IARS1: variants seen among roughly 807,000 people sequenced by gnomAD.
IARS1 encodes the protein isoleucine--tRNA ligase, cytoplasmic.
IARS1 carries 124 observed loss-of-function variants against 168.2 expected under a neutral mutation model. That is an observed-to-expected ratio of 0.74 (90% CI 0.64 to 0.86). IARS1 has a LOEUF of 0.86. Among genes scored for constraint, IARS1 ranks in the 40% least tolerant of loss-of-function variants. IARS1 has a pLI of 0.00. For synonymous variants in IARS1, 532 were observed against 529.4 expected, an observed-to-expected ratio of 1.00 and a Z score of -0.07; for missense variants, 1,452 against 1,515.8, an observed-to-expected ratio of 0.96 and a Z score of 0.70.
rs201992087 is a variant in IARS1, at chr9:92,278,242, A to G, written c.790T>C (p.Ser264Pro). The change falls in exon 8 of 34, where the codon TCA (serine) becomes CCA (proline). Residue 264 changes from serine to proline, a missense_variant. Transcript: ENST00000443024. ...TCACTCTCCAATTTATAGAGGGCTGACAATCTGGCTTCCATTAAAATGAGT... is the reference window on the plus strand; with the variant it reads ...TCACTCTCCAATTTATAGAGGGCTGGCAATCTGGCTTCCATTAAAATGAGT... ...RLLILMEARL[S>P]ALYKLESDYE... 267 of 1,612,718 alleles carry G rather than the reference A, an allele frequency of 1.7e-4. 2 individuals are homozygous for G. In the Middle Eastern group the frequency reaches 3.5e-3, roughly 21 times the overall value.
At chr9:92,229,586 CT>C (rs1235801916) in intron 30 of IARS1, among the ~76,000 whole-genome samples, 2 of 152,118 alleles carry the variant, frequency 1.3e-5, no homozygotes, top group African/African-American at 2.4e-5. Flanking sequence ...TATCTGACCC[CT>C]GATGTTGATT....
At chr9:92,231,607 T>C (rs548775137) in intron 30 of IARS1, among the ~76,000 whole-genome samples, 4 of 147,086 alleles carry the variant, frequency 2.7e-5, no homozygotes, top group Admixed American at 6.8e-5. Flanking sequence ...TTTTTTTTTT[T>C]AGTAGAGATG....
In IARS1 at chr9:92,223,422, A is replaced by C. The variant is rs765918358; in HGVS notation, c.3477T>G (p.Ala1159=). The C allele has an allele frequency of 3.1e-6, 5 of 1,613,996 alleles. No homozygotes were observed. The highest frequency in any genetic ancestry group is 4.2e-6 in the Non-Finnish European group (5 of 1,179,856). ...GKTLCVTAGS[A]PSLINSSSTL... ...TACTAGAACTGTTGATCAGAGAGGG[A>C]GCCGATCCTGCAGTCACACAAAGTG... Residue 1159 remains alanine (A), a synonymous_variant, in exon 32 of 34, where the codon GCT becomes GCG. Coordinates refer to ENST00000443024, the MANE Select transcript of IARS1 (RefSeq NM_002161.6).
chr9:92,293,650 C>A lies in IARS1; in HGVS notation c.-47G>T. 1 of 296,902 alleles carries A rather than the reference C, an allele frequency of 3.4e-6. No individual in the cohort carries two copies. Among genetic ancestry groups the A allele is most frequent in the Non-Finnish European group, 7.3e-6 (1 of 137,254 alleles). The allele number at this position is 296,902 out of a possible 1,614,324, so 18.4% of individuals were successfully genotyped here. Reference sequence around the variant, plus strand: ...GTGCCTGGACAGCCCCGCGGGCCAGCAAGCCTAAAAGCAACTCATCCGGCG... The same window carrying A: ...GTGCCTGGACAGCCCCGCGGGCCAGAAAGCCTAAAAGCAACTCATCCGGCG... On this transcript the variant is annotated 5_prime_UTR_variant, in exon 1 of 34. Transcript: ENST00000443024.
intron 30 of IARS1, among the ~76,000 whole-genome samples, chr9:92,236,435 C>T (rs1189373654): frequency 2.6e-5 from 4 of 152,168 alleles, no homozygotes; most frequent in African/African-American, 9.7e-5. Flanking sequence ...TGAAACTGGG[C>T]CTGGAGATTA....
intron 21 of IARS1, chr9:92,252,286 TA>T (rs998273477): frequency 5.6e-5 from 25 of 450,270 alleles, no homozygotes; most frequent in Admixed American, 7.8e-5. Flanking sequence ...TAATGTGTAT[TA>T]AAAAAAATAC....
At chr9:92,285,866 A>G in intron 5 of IARS1, 27 bp from the exon 6 acceptor site, 1 of 1,267,000 alleles carries the variant, frequency 7.9e-7, no homozygotes, top group Non-Finnish European at 1.1e-6. Context: ...TTTCACAATT[A>G]CAGAACAAAA....
At chr9:92,261,853 C>A (rs1228263952) in intron 17 of IARS1, among the ~76,000 whole-genome samples, 1 of 151,892 alleles carries the variant, frequency 6.6e-6, no homozygotes, top group Non-Finnish European at 1.5e-5. Flanking sequence ...CAGGTTCAAG[C>A]GATTCTTGTG....
intron 13 of IARS1, among the ~76,000 whole-genome samples, chr9:92,268,886 C>T (rs1338914314): frequency 6.6e-6 from 1 of 152,118 alleles, no homozygotes; most frequent in African/African-American, 2.4e-5. Flanking sequence ...TCTTGCATCC[C>T]TCCCACTCCC....
chr9:92,255,926 G>A (rs1191627225), intron 20 of IARS1, among the ~76,000 whole-genome samples: 1 of 151,946 alleles, frequency 6.6e-6, no homozygotes, highest in Non-Finnish European at 1.5e-5. Context: ...TGAGGTGATG[G>A]ATATCCCATT....
chr9:92,285,611 C>G, intron 6 of IARS1, 111 bp downstream of exon 6: 2 of 663,466 alleles, frequency 3.0e-6, no homozygotes, highest in Admixed American at 4.3e-5. Flanking sequence ...TGGTGGATGT[C>G]GTGGGCAACA....
Position 92,210,587 on chromosome 9 carries a change from C to T in IARS1, c.*220G>A. On this transcript the variant is annotated 3_prime_UTR_variant, in exon 34 of 34. Transcript: ENST00000443024. ...AAGTAACATTGTAACCTGCTCCCAA[C>T]ATGACTGCATAGGTGTCTAAGGTTA... 6.7e-6 allele frequency: 3 copies of T among 450,858 alleles called. No individual in the cohort carries two copies. The highest frequency in any genetic ancestry group is 6.8e-5 in the East Asian group (2 of 29,204). The allele number at this position is 450,858 out of a possible 1,614,324, so 27.9% of individuals were successfully genotyped here. A position where few individuals can be genotyped will look rare whatever the true frequency, so the allele number is the denominator to read the frequency against.
intron 31 of IARS1, 139 bp from the exon 32 acceptor site, chr9:92,223,628 C>T: frequency 1.5e-6 from 1 of 686,236 alleles, no homozygotes; most frequent in Non-Finnish European, 2.4e-6. Flanking sequence ...AGAGACATTG[C>T]CTTTTCTATA....
intron 10 of IARS1, among the ~76,000 whole-genome samples, chr9:92,273,558 T>G (rs1442863882): frequency 2.6e-5 from 4 of 152,202 alleles, no homozygotes; most frequent in Non-Finnish European, 4.4e-5. Context: ...AAAGAATCTA[T>G]TATCATATTT....
In IARS1 at chr9:92,269,866, AAC is replaced by A. The variant is rs1248358349; in HGVS notation, c.1304+17_1304+18del. 6.5e-7 allele frequency: 1 copy of A among 1,547,346 alleles called. No homozygotes were observed. Among genetic ancestry groups the A allele is most frequent in the Non-Finnish European group, 8.9e-7 (1 of 1,119,766 alleles). ...CACATGACAAAAGACACTATGAAGA[AAC>A]ACATCTTACTGCTCACCAGTAGCAC... On this transcript the variant is annotated intron_variant, in intron 13 of 33. Coordinates refer to ENST00000443024, the MANE Select transcript of IARS1 (RefSeq NM_002161.6).
intron 1 of IARS1, among the ~76,000 whole-genome samples, chr9:92,292,993 A>T (rs1587922648): frequency 6.6e-6 from 1 of 152,330 alleles, no homozygotes; most frequent in East Asian, 1.9e-4. Context: ...TTAATCATCA[A>T]GTCATGTGGA....
At chr9:92,235,046 G>A (rs1587742853) in intron 30 of IARS1, among the ~76,000 whole-genome samples, 2 of 152,020 alleles carry the variant, frequency 1.3e-5, no homozygotes, top group Admixed American at 6.5e-5. Context: ...CATGTTGGCC[G>A]GGCTGGTCTT....
Position 92,240,889 on chromosome 9 carries a change from T to C in IARS1, c.3250A>G (p.Asn1084Asp). The change falls in exon 30 of 34, where the codon AAT becomes GAT. Residue 1084 changes from asparagine (N) to aspartate (D), a missense_variant. Asn to Asp is a conservative substitution (Grantham distance 23). Coordinates refer to ENST00000443024, the MANE Select transcript of IARS1 (RefSeq NM_002161.6). Reference sequence around the variant, plus strand: ...CTGCCATTTGCACAAATGTTAAGATTGACATATGCACAAGCAGGACCAGGA... The same window carrying C: ...CTGCCATTTGCACAAATGTTAAGATCGACATATGCACAAGCAGGACCAGGA... ...SLPGPACAYV[N>D]LNICANGSEQ... The C allele has an allele frequency of 6.2e-7, 1 of 1,613,112 alleles. No individual in the cohort carries two copies. Among genetic ancestry groups the C allele is most frequent in the Non-Finnish European group, 8.5e-7 (1 of 1,179,120 alleles).
chr9:92,266,880 A>C (rs1832357738), intron 14 of IARS1, among the ~76,000 whole-genome samples: 1 of 152,194 alleles, frequency 6.6e-6, no homozygotes, highest in African/African-American at 2.4e-5. Flanking sequence ...AAGCCAAATA[A>C]ACTACTTTTC....
Sources: gnomAD v4.1 joint callset for allele counts (sites outside exome capture counted in the v4.1 genomes callset) on GRCh38, gnomAD v4.1.1 for gene constraint, MANE v1.5 for transcripts, NCBI Gene and HGNC (gene_info 2026-07-23, HGNC 2026-07-21) for gene names.